Variants in CALN1 observed in about 807,000 individuals in gnomAD.
CALN1 encodes the protein calneuron 1.
Under a neutral mutation model 30.6 loss-of-function variants are expected in CALN1, and 17 were observed. That is an observed-to-expected ratio of 0.56 (90% CI 0.38 to 0.83). The LOEUF (loss-of-function observed/expected upper bound fraction) is 0.83. CALN1 is among the 40% of genes least tolerant of loss of function. The probability of loss-of-function intolerance (pLI) is 0.00; values close to 1 mark genes in which losing one functional copy is unlikely to be tolerated. For missense variants in CALN1, 291 were observed against 354.9 expected, an observed-to-expected ratio of 0.82 and a Z score of 1.45; for synonymous variants, 156 against 131.4, an observed-to-expected ratio of 1.19 and a Z score of -1.28.
intron 2 of CALN1, among the ~76,000 whole-genome samples, chr7:72,335,113 G>A (rs758963897): frequency 2.1e-4 from 32 of 152,246 alleles, no homozygotes; most frequent in Non-Finnish European, 3.5e-4. Context: ...ATGAGTACAG[G>A]TAGCAGATAA....
At chr7:72,292,463 T>G (rs1456943047) in intron 2 of CALN1, among the ~76,000 whole-genome samples, 16 of 148,034 alleles carry the variant, frequency 1.1e-4, no homozygotes, top group Non-Finnish European at 1.5e-4. Context: ...ATTGGGTCAC[T>G]ATATCATGAC....
the CALN1 span, among the ~76,000 whole-genome samples, chr7:72,493,423 C>T: frequency 1.3e-5 from 2 of 151,970 alleles, no homozygotes; most frequent in Non-Finnish European, 2.9e-5. Flanking sequence ...ACTGCAGCCT[C>T]CACCTCCCAA....
At chr7:72,308,829 A>G (rs1162220612) in intron 2 of CALN1, among the ~76,000 whole-genome samples, 3 of 152,174 alleles carry the variant, frequency 2.0e-5, no homozygotes, top group African/African-American at 7.2e-5. Flanking sequence ...TGGAGTGATA[A>G]TGATTCTAGA....
intron 5 of CALN1, among the ~76,000 whole-genome samples, chr7:71,939,219 C>A (rs149341515): frequency 5.9e-5 from 9 of 152,140 alleles, no homozygotes; most frequent in Non-Finnish European, 1.0e-4. Context: ...CCGTGTTTAA[C>A]ATGTGCCAAA....
chr7:71,929,747 G>A (rs1313665792), intron 5 of CALN1, among the ~76,000 whole-genome samples: 1 of 152,158 alleles, frequency 6.6e-6, no homozygotes, highest in Non-Finnish European at 1.5e-5. Flanking sequence ...TTATTTCTCA[G>A]TATTACCCAG....
chr7:72,323,529 G>A (rs2129557450), intron 2 of CALN1, among the ~76,000 whole-genome samples: 1 of 152,090 alleles, frequency 6.6e-6, no homozygotes, highest in East Asian at 1.9e-4. Context: ...TGGGCATGCT[G>A]GCATGCACCT....
At chr7:72,188,192 ATTT>A (rs150354006) in intron 3 of CALN1, among the ~76,000 whole-genome samples, 5,020 of 152,246 alleles carry the variant, frequency 0.033, 263 homozygotes, top group African/African-American at 0.11. Flanking sequence ...CAGCAGCACG[ATTT>A]GCAATTACAA....
chr7:71,911,629 T>C (rs1000879135), intron 5 of CALN1, among the ~76,000 whole-genome samples: 33 of 152,144 alleles, frequency 2.2e-4, no homozygotes, highest in African/African-American at 7.7e-4. Flanking sequence ...AAATCCTAAG[T>C]ATGTCTGTGC....
At chr7:72,315,667 T>G (rs1800392239) in intron 2 of CALN1, among the ~76,000 whole-genome samples, 1 of 151,740 alleles carries the variant, frequency 6.6e-6, no homozygotes, top group Non-Finnish European at 1.5e-5. Context: ...ACCATACCAC[T>G]GTATTCCAGC....
At chr7:72,258,909 AAG>A (rs1491182079) in intron 3 of CALN1, among the ~76,000 whole-genome samples, 137 of 148,340 alleles carry the variant, frequency 9.2e-4, no homozygotes, top group Middle Eastern at 3.5e-3. Context: ...AAAAAAAAAA[AAG>A]AAAGAAAGAA....
intron 2 of CALN1, among the ~76,000 whole-genome samples, chr7:72,330,179 G>A (rs990205314): frequency 1.3e-5 from 2 of 151,974 alleles, no homozygotes; most frequent in South Asian, 2.1e-4. Context: ...TGTAATCCCA[G>A]CTACTCCGGA....
At position 72,425,428 on chromosome 7, in the gene CALN1, T is replaced by A. The variant is rs1807771156; in HGVS notation, c.-225-13153A>T. Among the ~76,000 whole-genome samples, 3 of 152,304 alleles carry A rather than the reference T, an allele frequency of 2.0e-5. No homozygotes were observed. In the Middle Eastern group the frequency reaches 0.01, roughly 518 times the overall value. ...CACGCTCGGCCTCCTGCCCAGTTAC[T>A]ACCGGGGGCCCTCCATCCCCATGTG... On this transcript the variant is annotated intron_variant, in intron 1 of 6. Transcript: ENST00000395276.
At chr7:72,014,769 C>T (rs919561909) in intron 5 of CALN1, among the ~76,000 whole-genome samples, 1 of 152,046 alleles carries the variant, frequency 6.6e-6, no homozygotes, top group Admixed American at 6.5e-5. Context: ...TAAATTGATC[C>T]TCCCACCTCA....
At chr7:72,442,206 T>C (rs1323334204) in intron 1 of CALN1, among the ~76,000 whole-genome samples, 2 of 152,186 alleles carry the variant, frequency 1.3e-5, no homozygotes, top group African/African-American at 4.8e-5. Context: ...GTTCACCTCC[T>C]AGCTGACCTT....
intron 4 of CALN1, among the ~76,000 whole-genome samples, chr7:72,065,049 TTA>T (rs1440701129): frequency 4.0e-5 from 6 of 148,910 alleles, no homozygotes; most frequent in Non-Finnish European, 8.9e-5. Context: ...TAAAATATAT[TTA>T]TATGTTAATA....
intron 3 of CALN1, among the ~76,000 whole-genome samples, chr7:72,186,598 C>T (rs771988350): frequency 6.6e-6 from 1 of 152,112 alleles, no homozygotes; most frequent in Non-Finnish European, 1.5e-5. Context: ...TGGTAGTCTC[C>T]AGTGTCCCCA....
chr7:72,035,167 G>A (rs1217688871), intron 4 of CALN1, among the ~76,000 whole-genome samples: 1 of 152,064 alleles, frequency 6.6e-6, no homozygotes, highest in African/African-American at 2.4e-5. Context: ...TGCAGGTCTA[G>A]TATTAAATGC....
At chr7:72,458,259 ATATATTC>A in the CALN1 span, among the ~76,000 whole-genome samples, 3 of 75,836 alleles carry the variant, frequency 4.0e-5, no homozygotes, top group Non-Finnish European at 6.9e-5. Context: ...ATATTTTATA[ATATATTC>A]TATATTATAT....
At chr7:72,413,201 TCACACA>T (rs59261666), upstream of CALN1, among the ~76,000 whole-genome samples, 5 of 151,060 alleles carry the variant, frequency 3.3e-5, no homozygotes, top group Admixed American at 3.3e-4. Context: ...GCCCACCCAC[TCACACA>T]CACACACTCA....
Sources: allele counts gnomAD v4.1 joint callset (sites outside exome capture counted in the v4.1 genomes callset), GRCh38; gene constraint gnomAD v4.1.1; transcripts MANE v1.5; gene names NCBI Gene and HGNC (gene_info 2026-07-23, HGNC 2026-07-21).